GPC6: variants seen among roughly 807,000 people sequenced by gnomAD.
GPC6 encodes glypican-6.
Under a neutral mutation model 55.2 loss-of-function variants are expected in GPC6, and 14 were observed. The observed-to-expected ratio is 0.25, with a 90% CI of 0.17 to 0.40. The LOEUF (loss-of-function observed/expected upper bound fraction) is 0.40. Ranked by LOEUF, GPC6 falls within the 10% of genes least tolerant of loss-of-function variation. The probability of loss-of-function intolerance (pLI) is 1.00; values close to 1 mark genes in which losing one functional copy is unlikely to be tolerated. For synonymous variants in GPC6, 278 were observed against 259.6 expected, an observed-to-expected ratio of 1.07 and a Z score of -0.68; for missense variants, 641 against 708.5, an observed-to-expected ratio of 0.90 and a Z score of 1.08.
At chr13:93,283,355 G>T (rs1175668094) in intron 1 of GPC6, among the ~76,000 whole-genome samples, 1 of 152,166 alleles carries the variant, frequency 6.6e-6, no homozygotes, top group Admixed American at 6.5e-5. Flanking sequence ...TTAAGGTAAG[G>T]TCGCATAGGA....
rs1001199095 is a variant in GPC6, at chr13:94,280,757, C to T, written c.878-5592C>T. Among the ~76,000 whole-genome samples, 41 of 151,932 alleles carry T rather than the reference C, an allele frequency of 2.7e-4. 2 individuals carry two copies. In the South Asian group the frequency reaches 5.6e-3, roughly 21 times the overall value. On this transcript the variant is annotated intron_variant, in intron 4 of 8. Transcript: ENST00000377047. ...AAGCTAAAATGTACATGCAGCAGATCGGTAAGAGTAGGTGAGCATTGCTTC... is the reference window on the plus strand; with the variant it reads ...AAGCTAAAATGTACATGCAGCAGATTGGTAAGAGTAGGTGAGCATTGCTTC...
chr13:94,380,565 A>G (rs1880113131), intron 6 of GPC6, among the ~76,000 whole-genome samples: 2 of 152,088 alleles, frequency 1.3e-5, no homozygotes, highest in South Asian at 4.1e-4. Context: ...ACATCTGTAT[A>G]TTTATTGTTA....
intron 2 of GPC6, among the ~76,000 whole-genome samples, chr13:93,760,457 C>T (rs916705778): frequency 2.0e-5 from 3 of 152,158 alleles, no homozygotes; most frequent in Non-Finnish European, 2.9e-5. Flanking sequence ...TGTGAACTCA[C>T]CTTCTGGGAG....
intron 1 of GPC6, among the ~76,000 whole-genome samples, chr13:93,419,538 T>C (rs1315779744): frequency 6.6e-6 from 1 of 152,122 alleles, no homozygotes; most frequent in Non-Finnish European, 1.5e-5. Flanking sequence ...TGGAATATTA[T>C]TTGAAGTGAG....
At position 93,801,572 on chromosome 13, in the gene GPC6, A is replaced by G. The variant is rs1886371249; in HGVS notation, c.320-28582A>G. 1.3e-5 allele frequency among the ~76,000 whole-genome samples: 2 copies of G among 152,178 alleles called. 1 individual carries two copies. Among genetic ancestry groups the G allele is most frequent in the South Asian group, 4.1e-4 (2 of 4,838 alleles). The stretch of plus-strand genomic sequence containing the variant: ...TCAGTGCCTGGCTCTAGTAGTTGAC[A>G]CTGCTCCCCATTCCTGGTAAATGTG... On this transcript the variant is annotated intron_variant, in intron 2 of 8. Coordinates refer to ENST00000377047, the MANE Select transcript of GPC6 (RefSeq NM_005708.5).
At chr13:94,277,682 T>C (rs116752224) in intron 4 of GPC6, among the ~76,000 whole-genome samples, 1,739 of 152,348 alleles carry the variant, frequency 0.011, 33 homozygotes, top group African/African-American at 0.039. Context: ...ATTTATTAAA[T>C]AAGAAATCCT....
intron 4 of GPC6, among the ~76,000 whole-genome samples, chr13:94,030,452 G>A (rs1883082197): frequency 6.6e-6 from 1 of 152,010 alleles, no homozygotes; most frequent in South Asian, 2.1e-4. Flanking sequence ...TACTTGTCTG[G>A]GTGTGAAGTG....
At chr13:93,521,304 T>A (rs1187735926) in intron 1 of GPC6, among the ~76,000 whole-genome samples, 4 of 151,870 alleles carry the variant, frequency 2.6e-5, no homozygotes, top group Non-Finnish European at 4.4e-5. Context: ...TCTTTTCTTT[T>A]CTTTTTTTTT....
chr13:93,557,625 G>C (rs1472067457), intron 2 of GPC6, among the ~76,000 whole-genome samples: 1 of 152,124 alleles, frequency 6.6e-6, no homozygotes, highest in African/African-American at 2.4e-5. Context: ...AAGAGAAGTA[G>C]CTTCTAAGAA....
intron 2 of GPC6, among the ~76,000 whole-genome samples, chr13:93,639,547 A>G (rs1023132054): frequency 8.5e-5 from 13 of 152,154 alleles, no homozygotes; most frequent in Non-Finnish European, 1.8e-4. Flanking sequence ...CTGTTGAAAA[A>G]AAATCCAGGT....
intron 2 of GPC6, among the ~76,000 whole-genome samples, chr13:93,764,000 T>C (rs151280710): frequency 4.1e-4 from 62 of 152,262 alleles, no homozygotes; most frequent in South Asian, 1.7e-3. Flanking sequence ...TTTGCACTTA[T>C]ATCACAGATC....
At chr13:94,140,693 T>C (rs1175074402) in intron 4 of GPC6, among the ~76,000 whole-genome samples, 2 of 152,132 alleles carry the variant, frequency 1.3e-5, no homozygotes, top group Non-Finnish European at 2.9e-5. Flanking sequence ...TTTAACTAGA[T>C]GGCTGTCTTC....
At chr13:93,563,937 T>G (rs768631923) in intron 2 of GPC6, among the ~76,000 whole-genome samples, 51 of 152,246 alleles carry the variant, frequency 3.3e-4, no homozygotes, top group Non-Finnish European at 6.9e-4. Context: ...GTTACATGAA[T>G]AAGTTCTTCA....
intron 2 of GPC6, among the ~76,000 whole-genome samples, chr13:93,742,454 T>C (rs1196711680): frequency 6.6e-6 from 1 of 152,232 alleles, no homozygotes; most frequent in African/African-American, 2.4e-5. Context: ...AAGGGAAGGT[T>C]ACAGGCATTG....
At chr13:93,691,394 A>AT (rs1445399762) in intron 2 of GPC6, among the ~76,000 whole-genome samples, 1 of 144,940 alleles carries the variant, frequency 6.9e-6, no homozygotes, top group East Asian at 2.1e-4. Context: ...TTATTCCTAT[A>AT]TATTTTTTTT....
At chr13:94,371,200 T>C in intron 6 of GPC6, among the ~76,000 whole-genome samples, 1 of 152,178 alleles carries the variant, frequency 6.6e-6, no homozygotes, top group East Asian at 1.9e-4. Context: ...GCGATCCCTG[T>C]ACGGACTGAT....
At chr13:93,438,923 C>T (rs1877674150) in intron 1 of GPC6, among the ~76,000 whole-genome samples, 1 of 152,060 alleles carries the variant, frequency 6.6e-6, no homozygotes, top group South Asian at 2.1e-4. Flanking sequence ...CCACAGCCAC[C>T]TCAATGTCCA....
At chr13:94,006,716 G>T (rs1375249257) in intron 3 of GPC6, among the ~76,000 whole-genome samples, 1 of 152,114 alleles carries the variant, frequency 6.6e-6, no homozygotes, top group East Asian at 1.9e-4. Context: ...ACTATGAGTT[G>T]CACGACTTTG....
chr13:93,798,846 G>T (rs1886282608), intron 2 of GPC6, among the ~76,000 whole-genome samples: 1 of 148,470 alleles, frequency 6.7e-6, no homozygotes, highest in Non-Finnish European at 1.5e-5. Context: ...TTGAACCCAG[G>T]AGGCGGAGGT....
Sources: allele counts gnomAD v4.1 joint callset (sites outside exome capture counted in the v4.1 genomes callset), GRCh38; gene constraint gnomAD v4.1.1; transcripts MANE v1.5; gene names NCBI Gene and HGNC (gene_info 2026-07-23, HGNC 2026-07-21).